NAALADL2: variants seen among roughly 807,000 people sequenced by gnomAD.
The protein encoded by NAALADL2 is inactive N-acetylated-alpha-linked acidic dipeptidase-like protein 2.
NAALADL2 carries 76 observed loss-of-function variants against 87.2 expected under a neutral mutation model. The observed-to-expected ratio is 0.87, with a 90% confidence interval of 0.72 to 1.05. NAALADL2 has a LOEUF of 1.05. NAALADL2 is among the 50% of genes least tolerant of loss of function. NAALADL2 has a pLI of 0.00. For synonymous variants in NAALADL2, 354 were observed against 331.0 expected (o/e 1.07, Z -0.75); for missense variants, 1,089 against 945.8 (o/e 1.15, Z -1.99).
chr3:175,459,449 A>G (rs1441847839), intron 6 of NAALADL2, among the ~76,000 whole-genome samples: 1 of 151,974 alleles, frequency 6.6e-6, no homozygotes, highest in East Asian at 1.9e-4. Context: ...CAAAAGTACG[A>G]GTAAAATATA....
chr3:175,448,808 G>A (rs1721091559), intron 6 of NAALADL2, among the ~76,000 whole-genome samples: 1 of 151,780 alleles, frequency 6.6e-6, no homozygotes, highest in South Asian at 2.1e-4. Context: ...CTCCTAAGCT[G>A]AAGCAATTCT....
At chr3:175,324,796 G>A (rs1581426813) in intron 5 of NAALADL2, among the ~76,000 whole-genome samples, 2 of 152,168 alleles carry the variant, frequency 1.3e-5, no homozygotes, top group East Asian at 3.9e-4. Flanking sequence ...GATTTAATAT[G>A]ATTTTCTGGC....
chr3:175,114,497 A>G (rs993331339), intron 2 of NAALADL2, among the ~76,000 whole-genome samples: 2 of 151,636 alleles, frequency 1.3e-5, no homozygotes, highest in Non-Finnish European at 3.0e-5. Context: ...TAAATACATA[A>G]TTATTTTCTA....
chr3:174,738,777 A>G (rs1055414253), intron 3 of NAALADL2, among the ~76,000 whole-genome samples: 1 of 152,194 alleles, frequency 6.6e-6, no homozygotes, highest in Non-Finnish European at 1.5e-5. Flanking sequence ...TTACTTTCTA[A>G]GTAATTAAAA....
At chr3:174,542,765 C>G (rs1722360935) in intron 1 of NAALADL2, among the ~76,000 whole-genome samples, 1 of 152,178 alleles carries the variant, frequency 6.6e-6, no homozygotes, top group Non-Finnish European at 1.5e-5. Context: ...TGCTGATGAA[C>G]AGCAAGGGCA....
chr3:174,984,399 C>G (rs1157589650), intron 1 of NAALADL2, among the ~76,000 whole-genome samples: 2 of 151,834 alleles, frequency 1.3e-5, no homozygotes, highest in African/African-American at 4.9e-5. Context: ...TGGACTGATT[C>G]ATGAATGTAG....
intron 13 of NAALADL2, among the ~76,000 whole-genome samples, chr3:175,761,702 T>C (rs1042506292): frequency 2.0e-5 from 3 of 152,154 alleles, no homozygotes; most frequent in Non-Finnish European, 4.4e-5. Context: ...CTAATAGAGG[T>C]ATGTTGGTAT....
intron 2 of NAALADL2, among the ~76,000 whole-genome samples, chr3:174,709,668 A>G (rs1730434105): frequency 6.6e-6 from 1 of 152,212 alleles, no homozygotes; most frequent in East Asian, 1.9e-4. Context: ...GACTGGAGAC[A>G]GATAAGATAA....
intron 5 of NAALADL2, among the ~76,000 whole-genome samples, chr3:175,419,329 C>T (rs902044008): frequency 6.6e-6 from 1 of 151,482 alleles, no homozygotes; most frequent in Non-Finnish European, 1.5e-5. Flanking sequence ...CTTGTATGTC[C>T]TCTGTTTTAT....
rs36191548 is a variant in NAALADL2 at position 175,181,777 on chromosome 3, A to ATG, written c.546-52152_546-52151dup. 5.9e-3 allele frequency among the ~76,000 whole-genome samples: 398 copies of ATG among 67,036 alleles called. 7 individuals carry two copies. Among genetic ancestry groups the ATG allele is most frequent in the African/African-American group, 0.014 (311 of 22,902 alleles). 44.0% of individuals were successfully genotyped at this position (67,036 alleles called of 152,430 possible). ...TATGTGTGTATATATGTGTGTATATATGTATATATATGTGTGTGTGTATAT... is the reference window on the plus strand; with the variant it reads ...TATGTGTGTATATATGTGTGTATATATGTGTATATATATGTGTGTGTGTATAT... On this transcript the variant is annotated intron_variant, in intron 2 of 13. Coordinates refer to ENST00000454872, the MANE Select transcript of NAALADL2 (RefSeq NM_207015.3).
At chr3:175,764,221 A>T (rs1353026800) in intron 13 of NAALADL2, among the ~76,000 whole-genome samples, 1 of 151,932 alleles carries the variant, frequency 6.6e-6, no homozygotes, top group African/African-American at 2.4e-5. Context: ...ATTCTTATGT[A>T]TGGTATTTCA....
chr3:174,875,112 CAAAAAAAAAAAAA>C (rs10547300), intron 1 of NAALADL2, among the ~76,000 whole-genome samples: 3 of 41,524 alleles, frequency 7.2e-5, no homozygotes, highest in Non-Finnish European at 1.3e-4. Flanking sequence ...GACCCTGTCT[CAAAAAAAAAAAAA>C]AAAAAAAAAA....
chr3:175,630,324 C>G (rs150843857), intron 11 of NAALADL2, among the ~76,000 whole-genome samples: 1 of 151,626 alleles, frequency 6.6e-6, no homozygotes, highest in African/African-American at 2.4e-5. Context: ...TTGTTATTCT[C>G]TTTAGTAGAA....
At chr3:175,324,669 G>A (rs1760459986) in intron 5 of NAALADL2, among the ~76,000 whole-genome samples, 1 of 152,130 alleles carries the variant, frequency 6.6e-6, no homozygotes, top group South Asian at 2.1e-4. Context: ...AGATACCCAG[G>A]AGCATGAAAT....
chr3:175,007,692 T>A (rs901648737), intron 1 of NAALADL2, among the ~76,000 whole-genome samples: 1 of 152,144 alleles, frequency 6.6e-6, no homozygotes, highest in Non-Finnish European at 1.5e-5. Flanking sequence ...AAACCTCAGA[T>A]AGGATGGAAC....
chr3:175,197,513 C>A (rs1428399211), intron 2 of NAALADL2, among the ~76,000 whole-genome samples: 1 of 151,916 alleles, frequency 6.6e-6, no homozygotes, highest in African/African-American at 2.4e-5. Context: ...TTTGAGGGGA[C>A]ACACCCATTT....
chr3:174,746,002 C>T (rs1710748983), intron 3 of NAALADL2, among the ~76,000 whole-genome samples: 1 of 152,126 alleles, frequency 6.6e-6, no homozygotes, highest in Admixed American at 6.6e-5. Flanking sequence ...TGGAAGCATT[C>T]CCCTTGAAAA....
At chr3:175,127,975 T>C (rs1414150303) in intron 2 of NAALADL2, among the ~76,000 whole-genome samples, 3 of 152,230 alleles carry the variant, frequency 2.0e-5, no homozygotes, top group African/African-American at 7.2e-5. Flanking sequence ...TTCAATTATG[T>C]ATACTTTTAT....
chr3:174,480,988 A>G lies in NAALADL2; in HGVS notation c.-184+39956A>G, dbSNP rs144054892. ...ATTGATCATCAGCTATAAGGACACT[A>G]GAAGATGATACCAATCCTGGGTCCA... On this transcript the variant is annotated intron_variant, in intron 1 of 3. Coordinates refer to the NAALADL2 transcript ENST00000434257. Among the ~76,000 whole-genome samples the G allele has an allele frequency of 5.3e-5, 8 of 152,240 alleles. No homozygotes were observed. In the East Asian group the frequency reaches 1.4e-3, roughly 26 times the overall value.
Sources: gnomAD v4.1 joint callset for allele counts (sites outside exome capture counted in the v4.1 genomes callset) on GRCh38, gnomAD v4.1.1 for gene constraint, MANE v1.5 for transcripts, NCBI Gene and HGNC (gene_info 2026-07-23, HGNC 2026-07-21) for gene names.